The following UBAC2 variants were observed in gnomAD, a reference collection of about 807,000 sequenced individuals.
The protein encoded by UBAC2 is ubiquitin-associated domain-containing protein 2.
In UBAC2, 26 loss-of-function variants were observed where a neutral mutation model predicts 44.0. The ratio of observed to expected loss-of-function variants is 0.59; its 90% CI spans 0.43 to 0.82. UBAC2 has a LOEUF of 0.82. UBAC2 is among the 40% of genes least tolerant of loss of function. The pLI, the probability that UBAC2 is intolerant of heterozygous loss-of-function variation, is 0.00. For missense variants in UBAC2, 329 were observed against 419.4 expected (o/e 0.78, Z 1.88); for synonymous variants, 155 against 154.3 (o/e 1.00, Z -0.04).
chr13:99,219,051 C>T (rs2043027288), intron 1 of UBAC2, among the ~76,000 whole-genome samples: 1 of 152,204 alleles, frequency 6.6e-6, no homozygotes, highest in African/African-American at 2.4e-5. Flanking sequence ...TCACCCCATT[C>T]TTGTGAGAAC....
In UBAC2 at chr13:99,296,160, G is replaced by T. The variant is rs546216959; in HGVS notation, c.390-17937G>T. The T allele has an allele frequency of 4.8e-5, 74 of 1,553,134 alleles. 1 individual carries two copies. The South Asian group carries it at 8.4e-4, about 18-fold the overall frequency. ...TGTATATCCATTGGTGGTGGTCCAG[G>T]TGTCTAGAAAAAAACCAAGAAGGAT... On this transcript the variant is annotated intron_variant, in intron 4 of 8. Transcript: ENST00000403766.
intron 6 of UBAC2, among the ~76,000 whole-genome samples, chr13:99,322,243 A>T (rs1594125792): frequency 6.6e-6 from 1 of 152,198 alleles, no homozygotes; most frequent in Non-Finnish European, 1.5e-5. Context: ...ATTTTCTTAC[A>T]CATTAATACT....
chr13:99,318,816 C>A, intron 6 of UBAC2, among the ~76,000 whole-genome samples: 1 of 101,140 alleles, frequency 9.9e-6, no homozygotes, highest in African/African-American at 3.7e-5. Flanking sequence ...AGTGAGACTC[C>A]ATCTCAAAAA....
intron 1 of UBAC2, among the ~76,000 whole-genome samples, chr13:99,208,605 A>G (rs1468308454): frequency 6.6e-6 from 1 of 151,810 alleles, no homozygotes; most frequent in Non-Finnish European, 1.5e-5. Flanking sequence ...TTTTTTTCCC[A>G]GTTAAGACTT....
At chr13:99,374,718 C>T (rs1025724047) in intron 8 of UBAC2, among the ~76,000 whole-genome samples, 2 of 152,152 alleles carry the variant, frequency 1.3e-5, no homozygotes, top group Non-Finnish European at 2.9e-5. Flanking sequence ...AGACACATCT[C>T]GTGCTTCTGC....
intron 7 of UBAC2, among the ~76,000 whole-genome samples, chr13:99,359,310 A>G (rs1414315500): frequency 2.6e-5 from 4 of 152,172 alleles, no homozygotes; most frequent in Non-Finnish European, 5.9e-5. Flanking sequence ...ATACCAGACT[A>G]TGAGCTTCTA....
chr13:99,224,261 C>A (rs2043086091), intron 1 of UBAC2, among the ~76,000 whole-genome samples: 1 of 152,134 alleles, frequency 6.6e-6, no homozygotes, highest in Admixed American at 6.5e-5. Flanking sequence ...CCTCCCTTTT[C>A]TTAAAAGACA....
intron 4 of UBAC2, among the ~76,000 whole-genome samples, chr13:99,273,122 C>T (rs764258639): frequency 6.0e-5 from 9 of 150,652 alleles, no homozygotes; most frequent in Non-Finnish European, 1.0e-4. Context: ...TTAATATTTT[C>T]TTTTATCTCT....
At chr13:99,231,711 C>G (rs985640749) in intron 1 of UBAC2, among the ~76,000 whole-genome samples, 2 of 152,008 alleles carry the variant, frequency 1.3e-5, no homozygotes, top group Admixed American at 6.6e-5. Context: ...ACGCCTGGCT[C>G]TCTTTTTGTA....
At chr13:99,256,055 C>T (rs2043550067) in intron 4 of UBAC2, 1 of 554,848 alleles carries the variant, frequency 1.8e-6, no homozygotes. Flanking sequence ...ACTGAACATT[C>T]ACAGTAATTC....
chr13:99,216,383 G>C (rs745347743), intron 1 of UBAC2, among the ~76,000 whole-genome samples: 1 of 152,308 alleles, frequency 6.6e-6, no homozygotes, highest in South Asian at 2.1e-4. Flanking sequence ...GGGATTACAG[G>C]TGTGAGCCAC....
intron 4 of UBAC2, among the ~76,000 whole-genome samples, chr13:99,308,207 T>A (rs2044364555): frequency 6.6e-6 from 1 of 152,242 alleles, no homozygotes; most frequent in African/African-American, 2.4e-5. Flanking sequence ...TAGTCAGGAC[T>A]GATCTGGCCA....
chr13:99,264,384 C>A (rs2043711865), intron 4 of UBAC2, among the ~76,000 whole-genome samples: 1 of 152,226 alleles, frequency 6.6e-6, no homozygotes, highest in Admixed American at 6.5e-5. Context: ...GATTTTCTGG[C>A]ATGCTGTACT....
chr13:99,201,708 T>C, intron 1 of UBAC2: 1 of 802,856 alleles, frequency 1.2e-6, no homozygotes, highest in South Asian at 1.7e-5. Flanking sequence ...TTGCAATTGC[T>C]TGTCACTGTT....
intron 4 of UBAC2, among the ~76,000 whole-genome samples, chr13:99,281,732 C>G (rs937801360): frequency 7.9e-5 from 12 of 152,156 alleles, no homozygotes; most frequent in African/African-American, 2.7e-4. Flanking sequence ...ACTGAGATTG[C>G]CAATCATTTT....
At chr13:99,338,814 C>G (rs550846400) in intron 6 of UBAC2, among the ~76,000 whole-genome samples, 2 of 152,312 alleles carry the variant, frequency 1.3e-5, no homozygotes, top group South Asian at 4.1e-4. Context: ...TACTTATCAG[C>G]TGCATTAGAT....
At chr13:99,256,710 CAA>C (rs3031409) in intron 4 of UBAC2, among the ~76,000 whole-genome samples, 1 of 146,046 alleles carries the variant, frequency 6.8e-6, no homozygotes, top group African/African-American at 2.5e-5. Flanking sequence ...TTTCCATCAC[CAA>C]AAAAAAAAAA....
intron 4 of UBAC2, among the ~76,000 whole-genome samples, chr13:99,245,480 CAA>C (rs2043372095): frequency 6.6e-6 from 1 of 152,192 alleles, no homozygotes; most frequent in South Asian, 2.1e-4. Context: ...TTAAAAAAAA[CAA>C]AAACCATGTA....
At chr13:99,231,978 C>T (rs749370883) in intron 1 of UBAC2, among the ~76,000 whole-genome samples, 1 of 152,158 alleles carries the variant, frequency 6.6e-6, no homozygotes, top group Non-Finnish European at 1.5e-5. Flanking sequence ...TTTACCAAAT[C>T]ATGGTAACTG....
Sources: gnomAD v4.1 joint callset for allele counts (sites outside exome capture counted in the v4.1 genomes callset) on GRCh38, gnomAD v4.1.1 for gene constraint, MANE v1.5 for transcripts, NCBI Gene and HGNC (gene_info 2026-07-23, HGNC 2026-07-21) for gene names.